Variants in SGCZ observed in about 807,000 individuals in gnomAD.
The protein encoded by SGCZ is sarcoglycan zeta.
Under a neutral mutation model 41.3 loss-of-function variants are expected in SGCZ, and 40 were observed. The ratio of observed to expected loss-of-function variants is 0.97; its 90% CI spans 0.75 to 1.26. The LOEUF (loss-of-function observed/expected upper bound fraction) is 1.26, where lower values mean the gene tolerates loss of function less well. Among genes scored for constraint, SGCZ ranks in the 50% most tolerant of loss-of-function variants. SGCZ has a pLI of 0.00. For missense variants in SGCZ, 552 were observed against 369.8 expected (o/e 1.49, Z -4.04); for synonymous variants, 206 against 137.5 (o/e 1.50, Z -3.49).
chr8:15,026,700 T>G lies in SGCZ; in HGVS notation c.39+210885A>C, dbSNP rs562952553. On this transcript the variant is annotated intron_variant, in intron 1 of 7. Transcript: ENST00000382080. ...AATAAAGCTTCTGGAACTCTGTGTG[T>G]GCTTCAGTTATTGTCTCCATGAACA... 7.9e-5 allele frequency among the ~76,000 whole-genome samples: 12 copies of G among 152,318 alleles called. No homozygotes were observed. In the East Asian group the frequency reaches 2.1e-3, roughly 27 times the overall value.
At chr8:15,060,993 G>A (rs1020768742) in intron 1 of SGCZ, among the ~76,000 whole-genome samples, 2 of 152,130 alleles carry the variant, frequency 1.3e-5, no homozygotes, top group Non-Finnish European at 2.9e-5. Context: ...TTTCCTCCCT[G>A]CCTTCTGGAT....
At chr8:14,482,484 A>C (rs955744790) in intron 2 of SGCZ, among the ~76,000 whole-genome samples, 3 of 152,060 alleles carry the variant, frequency 2.0e-5, no homozygotes, top group African/African-American at 7.2e-5. Context: ...AAACAAAATC[A>C]TTTTGTTTTC....
At chr8:14,821,940 C>T (rs1802104532) in intron 1 of SGCZ, among the ~76,000 whole-genome samples, 1 of 152,014 alleles carries the variant, frequency 6.6e-6, no homozygotes, top group South Asian at 2.1e-4. Context: ...TTCTTTTCAA[C>T]ATAGTACTAA....
At chr8:14,990,434 T>G (rs999958011) in intron 1 of SGCZ, among the ~76,000 whole-genome samples, 1 of 152,112 alleles carries the variant, frequency 6.6e-6, no homozygotes, top group Non-Finnish European at 1.5e-5. Flanking sequence ...TCCCCATCGC[T>G]GGGATTACTG....
intron 2 of SGCZ, among the ~76,000 whole-genome samples, chr8:14,425,586 T>A (rs7828138): frequency 0.41 from 62,456 of 150,644 alleles, 13,497 homozygotes; most frequent in African/African-American, 0.57. Flanking sequence ...GCGCCACTGC[T>A]CTCCAGCCTG....
At chr8:14,699,701 C>T (rs1809074413) in intron 1 of SGCZ, among the ~76,000 whole-genome samples, 2 of 151,786 alleles carry the variant, frequency 1.3e-5, no homozygotes, top group Admixed American at 1.3e-4. Flanking sequence ...GGGAATACAT[C>T]TTCACAAACT....
intron 2 of SGCZ, among the ~76,000 whole-genome samples, chr8:14,401,051 A>C (rs999582697): frequency 3.3e-5 from 5 of 152,158 alleles, no homozygotes; most frequent in Admixed American, 1.3e-4. Context: ...TTCACCCTGT[A>C]CGCTGACCTC....
At chr8:14,576,527 G>T (rs1804717527) in intron 1 of SGCZ, among the ~76,000 whole-genome samples, 1 of 152,162 alleles carries the variant, frequency 6.6e-6, no homozygotes, top group African/African-American at 2.4e-5. Context: ...CAAAAGAATG[G>T]AAAATTGAAT....
At chr8:15,048,840 A>G (rs891819571) in intron 1 of SGCZ, among the ~76,000 whole-genome samples, 3 of 152,118 alleles carry the variant, frequency 2.0e-5, no homozygotes, top group Admixed American at 6.6e-5. Context: ...GACTCTTCAG[A>G]AACTCCCACT....
chr8:15,198,139 G>A (rs896346852), intron 1 of SGCZ, among the ~76,000 whole-genome samples: 6 of 150,914 alleles, frequency 4.0e-5, no homozygotes, highest in African/African-American at 1.5e-4. Context: ...GAGAAACAGA[G>A]ACTATATATA....
chr8:14,266,310 A>C (rs1000960707), intron 3 of SGCZ, among the ~76,000 whole-genome samples: 1 of 152,154 alleles, frequency 6.6e-6, no homozygotes, highest in Non-Finnish European at 1.5e-5. Flanking sequence ...AGGGTCTTCC[A>C]TTTTTGTGGG....
At chr8:15,058,470 A>T (rs914530870) in intron 1 of SGCZ, among the ~76,000 whole-genome samples, 2 of 152,212 alleles carry the variant, frequency 1.3e-5, no homozygotes, top group Non-Finnish European at 2.9e-5. Context: ...CGTGAAGTGT[A>T]TATTTGTCTG....
At chr8:15,187,517 A>C (rs13252931) in intron 1 of SGCZ, among the ~76,000 whole-genome samples, 53,865 of 151,932 alleles carry the variant, frequency 0.35, 12,398 homozygotes, top group Non-Finnish European at 0.49. Context: ...AGTAAAGTTT[A>C]TCTCTTTTAC....
At chr8:14,229,776 T>C (rs1333210567) in intron 4 of SGCZ, among the ~76,000 whole-genome samples, 3 of 152,134 alleles carry the variant, frequency 2.0e-5, no homozygotes, top group South Asian at 2.1e-4. Context: ...GTGTTCACTG[T>C]AATTGCTTTA....
chr8:14,948,316 C>T (rs1159170641), intron 1 of SGCZ, among the ~76,000 whole-genome samples: 1 of 152,122 alleles, frequency 6.6e-6, no homozygotes, highest in Non-Finnish European at 1.5e-5. Flanking sequence ...TCCTAATATA[C>T]TGGCCATAGG....
At chr8:14,941,421 T>C (rs1198543316) in intron 1 of SGCZ, among the ~76,000 whole-genome samples, 3 of 152,140 alleles carry the variant, frequency 2.0e-5, no homozygotes, top group African/African-American at 7.2e-5. Flanking sequence ...TACGTGGCTA[T>C]TTTAAAAGTG....
intron 1 of SGCZ, among the ~76,000 whole-genome samples, chr8:15,059,606 C>T (rs1310851671): frequency 6.6e-6 from 1 of 152,124 alleles, no homozygotes; most frequent in Non-Finnish European, 1.5e-5. Flanking sequence ...AAATTGAAAA[C>T]TGCATAATTA....
At chr8:14,602,508 G>A (rs2117316344) in intron 1 of SGCZ, among the ~76,000 whole-genome samples, 1 of 152,120 alleles carries the variant, frequency 6.6e-6, no homozygotes, top group Non-Finnish European at 1.5e-5. Flanking sequence ...AACATAGTGA[G>A]ATCCTCTCTC....
intron 3 of SGCZ, among the ~76,000 whole-genome samples, chr8:14,245,800 G>A (rs190327752): frequency 1.2e-3 from 187 of 152,138 alleles, no homozygotes; most frequent in Middle Eastern, 6.8e-3. Flanking sequence ...ATGAACAGAC[G>A]CTTCTCAAAA....
Sources: allele counts gnomAD v4.1 joint callset (sites outside exome capture counted in the v4.1 genomes callset), GRCh38; gene constraint gnomAD v4.1.1; transcripts MANE v1.5; gene names NCBI Gene and HGNC (gene_info 2026-07-23, HGNC 2026-07-21).